The following LINGO2 variants were observed in gnomAD, a reference collection of about 807,000 sequenced individuals.
LINGO2 encodes leucine rich repeat and Ig domain containing 2.
In LINGO2, 14 loss-of-function variants were observed where a neutral mutation model predicts 30.6. That is an observed-to-expected ratio of 0.46 (90% confidence interval 0.30 to 0.72). The LOEUF is 0.72. Ranked by LOEUF, LINGO2 falls within the 30% of genes least tolerant of loss-of-function variation. LINGO2 has a pLI of 0.07. For missense variants in LINGO2, 729 were observed against 751.7 expected, an observed-to-expected ratio of 0.97 and a Z score of 0.35; for synonymous variants, 317 against 288.5, an observed-to-expected ratio of 1.10 and a Z score of -1.00.
chr9:28,332,585 GAAA>G (rs5897281), intron 3 of LINGO2, among the ~76,000 whole-genome samples: 2 of 140,516 alleles, frequency 1.4e-5, no homozygotes, highest in African/African-American at 2.7e-5. Flanking sequence ...ATTAAGTACA[GAAA>G]AAAAAAAAGG....
chr9:27,999,906 G>T (rs186471327), intron 5 of LINGO2, among the ~76,000 whole-genome samples: 106 of 152,114 alleles, frequency 7.0e-4, no homozygotes, highest in African/African-American at 2.5e-3. Context: ...CCTAATAAAA[G>T]GCAATAAAAT....
At chr9:28,506,481 T>C (rs10968628) in intron 1 of LINGO2, among the ~76,000 whole-genome samples, 6,724 of 73,620 alleles carry the variant, frequency 0.091, 1,399 homozygotes, top group Middle Eastern at 0.18. Context: ...CACACACACA[T>C]ACACATACAC....
At chr9:29,174,020 C>T in the LINGO2 span, among the ~76,000 whole-genome samples, 1 of 151,616 alleles carries the variant, frequency 6.6e-6, no homozygotes, top group Non-Finnish European at 1.5e-5. Flanking sequence ...AAAGGATTTA[C>T]CATGTTGTTT....
chr9:28,511,339 G>A (rs1407564371), intron 1 of LINGO2, among the ~76,000 whole-genome samples: 1 of 152,164 alleles, frequency 6.6e-6, no homozygotes, highest in Non-Finnish European at 1.5e-5. Context: ...ATCACCCTGA[G>A]GAATGGTGCC....
At chr9:28,976,096 T>A in the LINGO2 span, among the ~76,000 whole-genome samples, 1 of 152,170 alleles carries the variant, frequency 6.6e-6, no homozygotes, top group African/African-American at 2.4e-5. Flanking sequence ...TAGGCTGTGA[T>A]CCTCCTTTGA....
At chr9:28,025,090 A>C (rs925071814) in intron 4 of LINGO2, among the ~76,000 whole-genome samples, 9 of 152,138 alleles carry the variant, frequency 5.9e-5, no homozygotes, top group East Asian at 1.9e-4. Flanking sequence ...TGAGAATAAT[A>C]ATCATGTGTT....
At chr9:28,136,633 T>G (rs1827525347) in intron 4 of LINGO2, among the ~76,000 whole-genome samples, 1 of 152,206 alleles carries the variant, frequency 6.6e-6, no homozygotes, top group African/African-American at 2.4e-5. Flanking sequence ...CAGTGCTTTC[T>G]TAAAACCTTC....
chr9:28,482,883 AT>A (rs1433624696), intron 1 of LINGO2, among the ~76,000 whole-genome samples: 2 of 152,156 alleles, frequency 1.3e-5, no homozygotes, highest in African/African-American at 4.8e-5. Context: ...ACCTAAAATC[AT>A]AAAAACCCTA....
At chr9:28,518,950 G>T (rs1820729311) in intron 1 of LINGO2, among the ~76,000 whole-genome samples, 1 of 152,074 alleles carries the variant, frequency 6.6e-6, no homozygotes, top group Admixed American at 6.6e-5. Context: ...TGCTTTTCTT[G>T]TACTGTTGCA....
chr9:28,225,475 AT>A (rs1821113697), intron 4 of LINGO2, among the ~76,000 whole-genome samples: 1 of 152,168 alleles, frequency 6.6e-6, no homozygotes, highest in Non-Finnish European at 1.5e-5. Context: ...TTGTAAAAAA[AT>A]TCTTCCTAAA....
At chr9:27,952,771 G>GT (rs1437211256) in intron 5 of LINGO2, among the ~76,000 whole-genome samples, 1 of 151,988 alleles carries the variant, frequency 6.6e-6, no homozygotes, top group Non-Finnish European at 1.5e-5. Context: ...GGATTCAAAT[G>GT]TAAGAAGAAA....
the LINGO2 span, among the ~76,000 whole-genome samples, chr9:28,707,115 C>T: frequency 5.9e-5 from 9 of 151,920 alleles, no homozygotes; most frequent in African/African-American, 1.7e-4. Flanking sequence ...ATGTGGTAAC[C>T]GCTTTTGCTC....
At chr9:28,563,184 AC>A (rs754378599) in intron 1 of LINGO2, among the ~76,000 whole-genome samples, 58 of 152,214 alleles carry the variant, frequency 3.8e-4, no homozygotes, top group Non-Finnish European at 3.4e-4. Flanking sequence ...AGATGAGGGA[AC>A]TAACTTTCAG....
At chr9:28,589,504 A>G (rs1326662179) in intron 1 of LINGO2, among the ~76,000 whole-genome samples, 3 of 152,120 alleles carry the variant, frequency 2.0e-5, no homozygotes, top group East Asian at 1.9e-4. Context: ...TTATACACCA[A>G]TAACAGACAA....
At chr9:29,099,861 C>T in the LINGO2 span, among the ~76,000 whole-genome samples, 1 of 88,910 alleles carries the variant, frequency 1.1e-5, no homozygotes, top group South Asian at 3.2e-4. Context: ...ACCATACAAT[C>T]CATCAACCCC....
upstream of LINGO2, among the ~76,000 whole-genome samples, chr9:28,674,287 A>G (rs767452270): frequency 2.0e-4 from 30 of 152,326 alleles, no homozygotes; most frequent in Non-Finnish European, 3.1e-4. Context: ...TTAAGGATAA[A>G]CAATACTTTA....
chr9:27,961,776 G>T (rs774363590), intron 5 of LINGO2, among the ~76,000 whole-genome samples: 8 of 152,142 alleles, frequency 5.3e-5, no homozygotes, highest in Non-Finnish European at 1.0e-4. Context: ...TACTCTCAGG[G>T]TCATGGGTGT....
the LINGO2 span, among the ~76,000 whole-genome samples, chr9:29,021,149 T>C: frequency 8.5e-5 from 13 of 152,254 alleles, no homozygotes; most frequent in African/African-American, 3.1e-4. Flanking sequence ...CTATACTGTA[T>C]ACTCTCTGAG....
At chr9:27,977,144 A>G (rs913481182) in intron 5 of LINGO2, among the ~76,000 whole-genome samples, 5 of 151,770 alleles carry the variant, frequency 3.3e-5, no homozygotes, top group Non-Finnish European at 7.4e-5. Flanking sequence ...ACATTCTAAA[A>G]TTTGGGCTTT....
Sources: gnomAD v4.1 joint callset for allele counts (sites outside exome capture counted in the v4.1 genomes callset) on GRCh38, gnomAD v4.1.1 for gene constraint, MANE v1.5 for transcripts, NCBI Gene and HGNC (gene_info 2026-07-23, HGNC 2026-07-21) for gene names.